The following MREG variants were observed in gnomAD, a reference collection of about 807,000 sequenced individuals.
MREG encodes melanoregulin.
A neutral mutation model predicts 28.5 loss-of-function variants in MREG; 31 were observed. That is an observed-to-expected ratio of 1.09 (90% CI 0.82 to 1.47). The LOEUF (loss-of-function observed/expected upper bound fraction) is 1.47, where lower values mean the gene tolerates loss of function less well. Ranked by LOEUF, MREG falls within the 40% of genes most tolerant of loss-of-function variation. The probability of loss-of-function intolerance (pLI) is 0.00; values close to 1 mark genes in which losing one functional copy is unlikely to be tolerated. For missense variants in MREG, 256 were observed against 257.4 expected (o/e 0.99, Z 0.04); for synonymous variants, 106 against 95.2 (o/e 1.11, Z -0.66).
intron 2 of MREG, among the ~76,000 whole-genome samples, chr2:215,978,997 C>G (rs977427152): frequency 1.3e-5 from 2 of 152,180 alleles, no homozygotes; most frequent in African/African-American, 4.8e-5. Flanking sequence ...ATGGACACAT[C>G]GGGTAGAATT....
intron 1 of MREG, among the ~76,000 whole-genome samples, chr2:216,024,882 CAA>C (rs1295218041): frequency 2.1e-5 from 1 of 48,720 alleles, no homozygotes; most frequent in Non-Finnish European, 3.9e-5. Flanking sequence ...GACTCTGTCT[CAA>C]AAAAAAAAAA....
chr2:215,963,441 A>G (rs909729459), intron 2 of MREG, among the ~76,000 whole-genome samples: 16 of 14,048 alleles, frequency 1.1e-3, no homozygotes, highest in Admixed American at 6.8e-3. Flanking sequence ...ATCTCAAAAA[A>G]AAAAAAAAAA....
intron 2 of MREG, among the ~76,000 whole-genome samples, chr2:215,967,765 T>C (rs1346230464): frequency 6.6e-6 from 1 of 152,192 alleles, no homozygotes; most frequent in Non-Finnish European, 1.5e-5. Flanking sequence ...TGTAACCTCA[T>C]GGGCACGACT....
intron 1 of MREG, among the ~76,000 whole-genome samples, chr2:216,011,829 G>C (rs557189796): frequency 6.6e-6 from 1 of 152,310 alleles, no homozygotes; most frequent in South Asian, 2.1e-4. Flanking sequence ...TGTATTTCAT[G>C]TTACTAAGAG....
rs1411441459 is a variant in MREG at position 216,030,954 on chromosome 2, TCTCA to T, written c.-68+1831_-68+1834del. 5.1e-3 allele frequency among the ~76,000 whole-genome samples: 560 copies of T among 109,432 alleles called. 3 individuals are homozygous for T. Among genetic ancestry groups the T allele is most frequent in the African/African-American group, 0.022 (521 of 23,678 alleles). The allele number at this position is 109,432 out of a possible 152,430, so 71.8% of individuals were successfully genotyped here. On this transcript the variant is annotated intron_variant, in intron 1 of 3. Transcript: ENST00000420348. The stretch of plus-strand genomic sequence containing the variant: ...CTCTCTCTCTCTCTCTCTCTCTCTC[TCTCA>T]CACACACACACACACACACACACAC...
intron 1 of MREG, among the ~76,000 whole-genome samples, chr2:216,008,165 C>T (rs1448483396): frequency 6.6e-6 from 1 of 151,992 alleles, no homozygotes; most frequent in Non-Finnish European, 1.5e-5. Flanking sequence ...GTTTGAGTCA[C>T]GCCGCTTGGG....
intron 3 of MREG, among the ~76,000 whole-genome samples, 169 bp downstream of exon 3, chr2:215,946,854 G>C (rs1692335971): frequency 6.6e-6 from 1 of 152,152 alleles, no homozygotes; most frequent in South Asian, 2.1e-4. Flanking sequence ...AGAAACATCA[G>C]GCATTTATGC....
At chr2:215,979,541 T>C (rs1693362174) in intron 2 of MREG, among the ~76,000 whole-genome samples, 2 of 151,016 alleles carry the variant, frequency 1.3e-5, no homozygotes, top group South Asian at 4.2e-4. Context: ...TTCAATTATC[T>C]GCCCTAAATT....
chr2:215,939,512 T>G (rs1367400503), downstream of MREG: 1 of 152,190 alleles, frequency 6.6e-6, no homozygotes, highest in Admixed American at 6.5e-5. Flanking sequence ...GAAAGTTTCA[T>G]TCTTAGGCAG....
intron 1 of MREG, among the ~76,000 whole-genome samples, chr2:216,002,767 C>T (rs988525601): frequency 2.0e-5 from 3 of 152,090 alleles, no homozygotes; most frequent in Admixed American, 1.3e-4. Context: ...CTTCCCTCCC[C>T]ATTCTCCTTC....
At chr2:216,028,987 T>C (rs1694639639) in intron 1 of MREG, among the ~76,000 whole-genome samples, 2 of 152,110 alleles carry the variant, frequency 1.3e-5, no homozygotes, top group Admixed American at 6.5e-5. Context: ...TTTCCCCCCA[T>C]TGGAATATGG....
At chr2:215,980,310 G>C (rs1158162618) in intron 2 of MREG, among the ~76,000 whole-genome samples, 2 of 152,202 alleles carry the variant, frequency 1.3e-5, no homozygotes, top group Non-Finnish European at 2.9e-5. Context: ...CTCCAGGGCA[G>C]TGAGGTCAAT....
intron 2 of MREG, among the ~76,000 whole-genome samples, chr2:215,995,511 C>CCCCCCCCCCCCCCCCCCG (rs146414052): frequency 1.5e-5 from 2 of 136,124 alleles, no homozygotes; most frequent in African/African-American, 6.4e-5. Flanking sequence ...CCCACCCCAC[C>CCCCCCCCCCCCCCCCCCG]CCCCGCCACC....
At chr2:215,945,470 G>C in intron 4 of MREG, 101 bp downstream of exon 4, 1 of 1,381,030 alleles carries the variant, frequency 7.2e-7, no homozygotes, top group Non-Finnish European at 9.9e-7. Context: ...CCTCATATGT[G>C]ATAGTGATGG....
chr2:215,976,261 T>C (rs1693257220), intron 2 of MREG, among the ~76,000 whole-genome samples: 2 of 152,242 alleles, frequency 1.3e-5, no homozygotes, highest in Admixed American at 6.5e-5. Context: ...TGCCTTCTAT[T>C]CCAAATCTGT....
At chr2:216,030,735 T>A (rs1245535495) in intron 1 of MREG, among the ~76,000 whole-genome samples, 1 of 150,736 alleles carries the variant, frequency 6.6e-6, no homozygotes. Flanking sequence ...CTTTCTTTTT[T>A]TTTTTTTAGT....
At chr2:215,968,100 T>C (rs541710834) in intron 2 of MREG, among the ~76,000 whole-genome samples, 1 of 152,290 alleles carries the variant, frequency 6.6e-6, no homozygotes, top group South Asian at 2.1e-4. Context: ...AAATCATGTC[T>C]CCAGAAGGAG....
intron 1 of MREG, among the ~76,000 whole-genome samples, chr2:216,022,012 T>C (rs992530794): frequency 2.0e-5 from 3 of 152,088 alleles, no homozygotes; most frequent in African/African-American, 4.8e-5. Flanking sequence ...CTGAGGCAGG[T>C]GGATCACCTG....
intron 1 of MREG, among the ~76,000 whole-genome samples, chr2:216,001,286 C>T (rs184756291): frequency 1.3e-5 from 2 of 152,330 alleles, no homozygotes; most frequent in East Asian, 1.9e-4. Flanking sequence ...AGGTGAGTGC[C>T]TCCTGGGTTC....
Sources: gnomAD v4.1 joint callset for allele counts (sites outside exome capture counted in the v4.1 genomes callset) on GRCh38, gnomAD v4.1.1 for gene constraint, MANE v1.5 for transcripts, NCBI Gene and HGNC (gene_info 2026-07-23, HGNC 2026-07-21) for gene names.